The following ZNF880 variants were observed in gnomAD, a reference collection of about 807,000 sequenced individuals.
The protein encoded by ZNF880 is zinc finger protein 880, also known as zinc finger protein LOC400713.
ZNF880 carries 12 observed loss-of-function variants against 11.8 expected under a neutral mutation model. The ratio of observed to expected loss-of-function variants is 1.02; its 90% CI spans 0.65 to 1.65. The LOEUF is 1.65. Ranked by LOEUF, ZNF880 falls within the 40% of genes most tolerant of loss-of-function variation. The pLI, the probability that ZNF880 is intolerant of heterozygous loss-of-function variation, is 0.00. For synonymous variants in ZNF880, 210 were observed against 232.4 expected (o/e 0.90, Z 0.88); for missense variants, 601 against 673.9 (o/e 0.89, Z 1.20).
At chr19:52,373,669 A>ATTCTTTTT (rs1986461292) in intron 2 of ZNF880, among the ~76,000 whole-genome samples, 3 of 102,576 alleles carry the variant, frequency 2.9e-5, no homozygotes, top group African/African-American at 1.2e-4. Context: ...AAATACTGTA[A>ATTCTTTTT]TTTTTTTTTT....
chr19:52,371,520 T>TG (rs1266369732), intron 1 of ZNF880, among the ~76,000 whole-genome samples: 1 of 151,920 alleles, frequency 6.6e-6, no homozygotes, highest in African/African-American at 2.4e-5. Flanking sequence ...GGATTACAGG[T>TG]GCCCACCAGT....
chr19:52,387,898 CTTTTTTTT>C (rs71180454), downstream of ZNF880, among the ~76,000 whole-genome samples: 2 of 85,970 alleles, frequency 2.3e-5, 1 homozygote, highest in Non-Finnish European at 4.5e-5. Context: ...CATAAATTTT[CTTTTTTTT>C]TTTTTTTTTG....
At chr19:52,371,294 CAGTT>C (rs894476191) in intron 1 of ZNF880, among the ~76,000 whole-genome samples, 18 of 151,968 alleles carry the variant, frequency 1.2e-4, no homozygotes, top group African/African-American at 3.1e-4. Context: ...TAACTATACT[CAGTT>C]AGGTCATTGT....
intron 1 of ZNF880, among the ~76,000 whole-genome samples, chr19:52,372,586 C>CTTGTTTCTTATTTT: frequency 6.7e-6 from 1 of 149,688 alleles, no homozygotes; most frequent in African/African-American, 2.4e-5. Context: ...CCGCGCCCGG[C>CTTGTTTCTTATTTT]CTAGAAATCT....
At position 52,373,168 on chromosome 19, in the gene ZNF880, C is replaced by G. The variant is rs755849453; in HGVS notation, c.70C>G (p.Leu24Val). 5.6e-6 allele frequency: 9 copies of G among 1,613,372 alleles called. No individual in the cohort carries two copies. The highest frequency in any genetic ancestry group is 7.6e-6 in the Non-Finnish European group (9 of 1,179,602). Residue 24 changes from leucine to valine, a missense_variant, in exon 2 of 4, where the codon CTG (leucine) becomes GTG (valine). By Grantham distance (32) the Leu-to-Val change is conservative. This residue lies in a region of ZNF880 where 420 missense variants were observed against 442.6 expected (regional missense o/e 0.95). Transcript: ENST00000422689. The stretch of plus-strand genomic sequence containing the variant: ...ATTCCCTCAGGAGGAGTGGAAATGT[C>G]TGGACCCTGCTCAGAGGACTTTATA... ...IEFPQEEWKC[L>V]DPAQRTLYRE...
At chr19:52,373,689 T>G (rs1160078542) in intron 2 of ZNF880, among the ~76,000 whole-genome samples, 1 of 149,450 alleles carries the variant, frequency 6.7e-6, no homozygotes, top group Non-Finnish European at 1.5e-5. Flanking sequence ...TTTTTTTTTT[T>G]TTTGAGACAG....
chr19:52,375,699 C>T (rs1485071065), intron 3 of ZNF880, among the ~76,000 whole-genome samples: 1 of 151,966 alleles, frequency 6.6e-6, no homozygotes, highest in Non-Finnish European at 1.5e-5. Context: ...ATCGCCTTTG[C>T]ATCCTCCCAG....
the ZNF880 span, among the ~76,000 whole-genome samples, chr19:52,395,335 C>G: frequency 1.3e-4 from 20 of 152,254 alleles, no homozygotes; most frequent in East Asian, 3.9e-3. Flanking sequence ...TATGCTTTCA[C>G]CAGTTTGTAT....
chr19:52,384,982 G>C lies in ZNF880; in HGVS notation c.1402G>C (p.Glu468Gln). ...TGGAGAGAAACCTTACAGATGTGATGAATGTGGCAAGGACTTCACTCGAAA... is the reference window on the plus strand; with the variant it reads ...TGGAGAGAAACCTTACAGATGTGATCAATGTGGCAAGGACTTCACTCGAAA... Reference protein sequence around the residue: ...HTGEKPYRCDECGKDFTRNSN... With the variant: ...HTGEKPYRCDQCGKDFTRNSN... Residue 468 changes from glutamate (E) to glutamine (Q), a missense_variant, in exon 4 of 4, where the codon GAA becomes CAA. Coordinates refer to ENST00000422689, the MANE Select transcript of ZNF880 (RefSeq NM_001145434.2). The C allele has an allele frequency of 6.4e-7, 1 of 1,567,070 alleles. No homozygotes were observed. The highest frequency in any genetic ancestry group is 8.7e-7 in the Non-Finnish European group (1 of 1,154,988).
intron 1 of ZNF880, chr19:52,370,439 T>C (rs1486594237): frequency 6.2e-6 from 1 of 160,800 alleles, no homozygotes; most frequent in Non-Finnish European, 1.4e-5. Context: ...CCTAAATAAA[T>C]ATTTAGTGGA....
chr19:52,384,591 A>G lies in ZNF880; in HGVS notation c.1011A>G (p.Ser337=), dbSNP rs2122414408. The G allele has an allele frequency of 3.7e-6, 6 of 1,613,026 alleles. No homozygotes were observed. The East Asian group carries it at 1.3e-4, about 36-fold the overall frequency. ...KECGKAFSGG[S]GLTAHLVIHT... ...GTGGCAAAGCATTTTCAGGGGGTTC[A>G]GGCCTTACTGCTCATCTTGTAATTC... Residue 337 remains serine, a synonymous_variant, in exon 4 of 4, where the codon TCA becomes TCG. Coordinates refer to ENST00000422689, the MANE Select transcript of ZNF880 (RefSeq NM_001145434.2).
At chr19:52,370,258 C>T (rs1986324422) in intron 1 of ZNF880, 5 of 475,016 alleles carry the variant, frequency 1.1e-5, no homozygotes, top group African/African-American at 2.0e-5. Context: ...AGACACGGCC[C>T]GCGCTGCGTA....
At chr19:52,374,132 C>T (rs1402034866) in intron 2 of ZNF880, among the ~76,000 whole-genome samples, 167 bp from the exon 3 acceptor site, 1 of 150,356 alleles carries the variant, frequency 6.7e-6, no homozygotes, top group Non-Finnish European at 1.5e-5. Context: ...GTGGCGCGAT[C>T]TTGGCTCACT....
At chr19:52,370,095 C>A in intron 1 of ZNF880, 118 bp downstream of exon 1, 1 of 1,325,724 alleles carries the variant, frequency 7.5e-7, no homozygotes, top group South Asian at 1.3e-5. Flanking sequence ...TCCACCCCGA[C>A]TAAACTCAGA....
chr19:52,385,828 A>G (rs532295660), downstream of ZNF880: 1 of 147,806 alleles, frequency 6.8e-6, no homozygotes, highest in Admixed American at 6.5e-5. Context: ...TTCATCCTCA[A>G]CTCTGAAATC....
intron 3 of ZNF880, among the ~76,000 whole-genome samples, chr19:52,376,490 AGCACC>A (rs1395013834): frequency 1.7e-5 from 1 of 58,160 alleles, no homozygotes; most frequent in Non-Finnish European, 3.3e-5. Flanking sequence ...TCATGTCCTT[AGCACC>A]GCCCCCCCCC....
At chr19:52,368,848 G>A (rs1158800608), upstream of ZNF880, among the ~76,000 whole-genome samples, 1 of 151,802 alleles carries the variant, frequency 6.6e-6, no homozygotes, top group African/African-American at 2.4e-5. Flanking sequence ...TGGGCATTGT[G>A]GCGTGTGCCT....
chr19:52,388,339 G>C (rs1187197304), downstream of ZNF880, among the ~76,000 whole-genome samples: 2 of 125,094 alleles, frequency 1.6e-5, no homozygotes, highest in Non-Finnish European at 3.1e-5. Flanking sequence ...CTGGAGTGCA[G>C]TGGCGCGATC....
intron 3 of ZNF880, 94 bp downstream of exon 3, chr19:52,374,521 A>C: frequency 6.9e-7 from 1 of 1,454,940 alleles, no homozygotes; most frequent in Non-Finnish European, 9.4e-7. Flanking sequence ...TAGAGTGGCA[A>C]TCATCAGTGG....
Sources: allele counts gnomAD v4.1 joint callset (sites outside exome capture counted in the v4.1 genomes callset), GRCh38; gene constraint gnomAD v4.1.1; regional missense constraint gnomAD v4.1.1; transcripts MANE v1.5; gene names NCBI Gene and HGNC (gene_info 2026-07-23, HGNC 2026-07-21).